SMIM36: variants seen among roughly 807,000 people sequenced by gnomAD.
SMIM36 encodes small integral membrane protein 36.
chr17:55,455,670 G>A (rs1345972223), intron 4 of SMIM36, among the ~76,000 whole-genome samples: 1 of 151,948 alleles, frequency 6.6e-6, no homozygotes, highest in Non-Finnish European at 1.5e-5. Context: ...GCATGCCTGT[G>A]GTTTCAGCAA....
intron 1 of SMIM36, among the ~76,000 whole-genome samples, chr17:55,501,676 T>G (rs1909984229): frequency 1.4e-5 from 2 of 146,038 alleles, no homozygotes; most frequent in Non-Finnish European, 3.0e-5. Flanking sequence ...TATATATATT[T>G]TATGGGTGTT....
chr17:55,467,483 G>A (rs1909260060), intron 3 of SMIM36, among the ~76,000 whole-genome samples, 155 bp from the exon 4 acceptor site: 1 of 151,164 alleles, frequency 6.6e-6, no homozygotes, highest in South Asian at 2.1e-4. Flanking sequence ...TGCCAGCTCC[G>A]CCTCCAAGGT....
At chr17:55,482,327 C>G (rs966196589) in intron 1 of SMIM36, among the ~76,000 whole-genome samples, 1 of 152,142 alleles carries the variant, frequency 6.6e-6, no homozygotes, top group South Asian at 2.1e-4. Flanking sequence ...TCTGCCCTAC[C>G]CTGCCTATCT....
the SMIM36 span, among the ~76,000 whole-genome samples, chr17:55,531,794 A>G: frequency 6.6e-6 from 1 of 152,270 alleles, no homozygotes; most frequent in African/African-American, 2.4e-5. Flanking sequence ...GAATGTAACC[A>G]TAATAAATGA....
chr17:55,460,529 T>C (rs1909128638), intron 4 of SMIM36, among the ~76,000 whole-genome samples: 1 of 152,068 alleles, frequency 6.6e-6, no homozygotes, highest in Non-Finnish European at 1.5e-5. Context: ...ATGCCATTTA[T>C]GTAATGGCAT....
intron 4 of SMIM36, chr17:55,458,446 G>A (rs945334284): frequency 2.6e-5 from 4 of 152,200 alleles, no homozygotes; most frequent in African/African-American, 9.7e-5. Context: ...GTGGTCCCTT[G>A]TTAGGGATCC....
intron 4 of SMIM36, among the ~76,000 whole-genome samples, chr17:55,464,790 C>G (rs1278942817): frequency 2.6e-5 from 4 of 152,214 alleles, no homozygotes; most frequent in Non-Finnish European, 4.4e-5. Flanking sequence ...AGATGGGAAC[C>G]AGTTCCCTAA....
chr17:55,523,726 C>T, the SMIM36 span, among the ~76,000 whole-genome samples: 3 of 152,060 alleles, frequency 2.0e-5, no homozygotes. Flanking sequence ...GCAGTCTCGG[C>T]CGACTAATAC....
At chr17:55,498,324 A>C (rs1418707988) in intron 1 of SMIM36, among the ~76,000 whole-genome samples, 3 of 152,182 alleles carry the variant, frequency 2.0e-5, no homozygotes, top group Non-Finnish European at 4.4e-5. Context: ...GACAAAATTC[A>C]ACCCATAACA....
chr17:55,500,417 T>G (rs1030942391), intron 1 of SMIM36, among the ~76,000 whole-genome samples: 1 of 152,046 alleles, frequency 6.6e-6, no homozygotes, highest in Non-Finnish European at 1.5e-5. Flanking sequence ...GAGTCACTGC[T>G]CCTGGTCTGT....
intron 4 of SMIM36, among the ~76,000 whole-genome samples, chr17:55,454,980 A>G (rs969262630): frequency 2.0e-5 from 3 of 152,238 alleles, no homozygotes; most frequent in African/African-American, 7.2e-5. Flanking sequence ...AAACACTGCA[A>G]TGGATAGTCT....
chr17:55,474,784 G>A (rs1909401937), intron 3 of SMIM36, among the ~76,000 whole-genome samples: 1 of 152,106 alleles, frequency 6.6e-6, no homozygotes, highest in South Asian at 2.1e-4. Context: ...AAGGAAACAT[G>A]GGTCAGGCAC....
At chr17:55,529,637 C>T in the SMIM36 span, among the ~76,000 whole-genome samples, 1 of 151,750 alleles carries the variant, frequency 6.6e-6, no homozygotes, top group Non-Finnish European at 1.5e-5. Context: ...CACACACACA[C>T]ACAGAGTATC....
intron 4 of SMIM36, among the ~76,000 whole-genome samples, chr17:55,454,612 C>T (rs889127725): frequency 6.6e-6 from 1 of 152,074 alleles, no homozygotes; most frequent in African/African-American, 2.4e-5. Context: ...TATTTACACG[C>T]CTTTTACATT....
intron 3 of SMIM36, among the ~76,000 whole-genome samples, chr17:55,468,672 C>A (rs1226293069): frequency 6.6e-6 from 1 of 152,150 alleles, no homozygotes; most frequent in African/African-American, 2.4e-5. Context: ...GCTCACCCGC[C>A]CCCTTCTCCG....
At chr17:55,478,330 C>T (rs1284809728) in intron 3 of SMIM36, among the ~76,000 whole-genome samples, 1 of 151,606 alleles carries the variant, frequency 6.6e-6, no homozygotes, top group Non-Finnish European at 1.5e-5. Flanking sequence ...ACTTCCCAGG[C>T]TCAAGTGATC....
In SMIM36 at chr17:55,500,997, A is replaced by ATATTATATTT. The variant is rs1567870702; in HGVS notation, c.*174+9881_*174+9882insAAATATAATA. On this transcript the variant is annotated intron_variant, in intron 1 of 4. Coordinates refer to ENST00000636752, the Ensembl canonical transcript of SMIM36. ...ATTATAATATATTATATATTATAAT[A>ATATTATATTT]TGTAACATATTATTATATTTTGTAA... Among the ~76,000 whole-genome samples the ATATTATATTT allele has an allele frequency of 3.0e-4, 10 of 33,582 alleles. 2 individuals carry two copies. The highest frequency in any genetic ancestry group is 5.1e-4 in the Admixed American group (1 of 1,952). The allele number at this position is 33,582 out of a possible 152,430, so 22.0% of individuals were successfully genotyped here.
chr17:55,528,540 TTTTTCTTTTC>T, the SMIM36 span, among the ~76,000 whole-genome samples: 1 of 151,460 alleles, frequency 6.6e-6, no homozygotes, highest in Non-Finnish European at 1.5e-5. Context: ...GAAGTCTTTT[TTTTTCTTTTC>T]TTTTCTTTTT....
At chr17:55,521,850 G>A in the SMIM36 span, among the ~76,000 whole-genome samples, 2 of 141,520 alleles carry the variant, frequency 1.4e-5, no homozygotes, top group Admixed American at 7.1e-5. Flanking sequence ...CATCTTCACC[G>A]CTTTGACTTT....
Sources: allele counts gnomAD v4.1 joint callset (sites outside exome capture counted in the v4.1 genomes callset), GRCh38; gene constraint gnomAD v4.1.1; transcripts MANE v1.5; gene names NCBI Gene and HGNC (gene_info 2026-07-23, HGNC 2026-07-21).